TLL1: variants seen among roughly 807,000 people sequenced by gnomAD.
TLL1 encodes tolloid-like protein 1.
In TLL1, 49 loss-of-function variants were observed where a neutral mutation model predicts 128.2. The observed-to-expected ratio is 0.38, with a 90% confidence interval of 0.30 to 0.48. The LOEUF is 0.48. TLL1 is among the 20% of genes least tolerant of loss of function. TLL1 has a pLI of 0.96. For synonymous variants in TLL1, 454 were observed against 418.8 expected (o/e 1.08, Z -1.03); for missense variants, 1,123 against 1,242.0 (o/e 0.90, Z 1.44).
chr4:165,930,004 G>A (rs983723673), intron 1 of TLL1, among the ~76,000 whole-genome samples: 14 of 152,034 alleles, frequency 9.2e-5, no homozygotes, highest in Admixed American at 5.9e-4. Context: ...CTCACTGCTC[G>A]CTATGAATTT....
Position 166,074,898 on chromosome 4 carries a change from G to A in TLL1, c.2209G>A (p.Asp737Asn). ...GCTAGACAAAGATGAATGCTCTAAG[G>A]ATAATGGTGGATGTCAGCACGAATG... ...FFSDKDECSK[D>N]NGGCQHECVN... Residue 737 changes from aspartate (D) to asparagine (N), a missense_variant, in exon 17 of 21, where the codon GAT becomes AAT. Physicochemically the swap from Asp to Asn is conservative, Grantham distance 23. Around this residue, in one of 3 missense-constraint regions of TLL1, gnomAD observed 634 missense variants for 672.4 expected, o/e 0.94. Transcript: ENST00000061240. The A allele has an allele frequency of 6.2e-7, 1 of 1,613,466 alleles. No individual in the cohort carries two copies. Among genetic ancestry groups the A allele is most frequent in the Non-Finnish European group, 8.5e-7 (1 of 1,179,584 alleles).
At chr4:166,062,754 T>C (rs983797944) in intron 15 of TLL1, among the ~76,000 whole-genome samples, 1 of 152,148 alleles carries the variant, frequency 6.6e-6, no homozygotes, top group Non-Finnish European at 1.5e-5. Flanking sequence ...TCCAACACTA[T>C]GTTGAATAGG....
At chr4:166,002,785 T>G (rs749874401) in intron 5 of TLL1, among the ~76,000 whole-genome samples, 11 of 152,170 alleles carry the variant, frequency 7.2e-5, no homozygotes, top group Non-Finnish European at 1.6e-4. Context: ...TTGAAACGTT[T>G]CTTTTATTAA....
chr4:166,052,368 T>C (rs1221438761), intron 12 of TLL1, among the ~76,000 whole-genome samples: 1 of 152,232 alleles, frequency 6.6e-6, no homozygotes, highest in African/African-American at 2.4e-5. Flanking sequence ...CGATCTTGGC[T>C]CACTGCAACC....
rs1349543901 is a variant in TLL1, at chr4:165,893,994, T to C, written c.169+19921T>C. Reference sequence around the variant, plus strand: ...CCCAATTAGTATTACAGCGTTATTTTAAGAGTCAAAAAATCCTGGAAACAA... The same window carrying C: ...CCCAATTAGTATTACAGCGTTATTTCAAGAGTCAAAAAATCCTGGAAACAA... On this transcript the variant is annotated intron_variant, in intron 1 of 20. Transcript: ENST00000061240. Among the ~76,000 whole-genome samples, 5 of 152,194 alleles carry C rather than the reference T, an allele frequency of 3.3e-5. No homozygotes were observed. In the East Asian group the frequency reaches 9.6e-4, roughly 29 times the overall value.
chr4:165,954,377 G>C (rs1734676708), intron 1 of TLL1, among the ~76,000 whole-genome samples: 1 of 152,010 alleles, frequency 6.6e-6, no homozygotes. Context: ...AAATATTGAT[G>C]GGCTTATAAA....
intron 12 of TLL1, among the ~76,000 whole-genome samples, chr4:166,045,305 A>G (rs1739414555): frequency 6.6e-6 from 1 of 152,012 alleles, no homozygotes; most frequent in African/African-American, 2.4e-5. Flanking sequence ...ATTTTATTTT[A>G]CTTACTAAAC....
At chr4:166,088,324 A>G (rs1398338086) in intron 18 of TLL1, among the ~76,000 whole-genome samples, 1 of 152,150 alleles carries the variant, frequency 6.6e-6, no homozygotes, top group African/African-American at 2.4e-5. Flanking sequence ...GATAAATGGC[A>G]TATCACACCT....
chr4:165,977,387 T>C (rs2110989728), intron 1 of TLL1, among the ~76,000 whole-genome samples: 1 of 152,352 alleles, frequency 6.6e-6, no homozygotes, highest in South Asian at 2.1e-4. Context: ...ATGTGCTTGC[T>C]TTCCCTTCTA....
rs116596579 is a variant in TLL1, at chr4:166,084,059, G to A, written c.2442+6029G>A. Among the ~76,000 whole-genome samples, 335 of 152,170 alleles carry A rather than the reference G, an allele frequency of 2.2e-3. 2 individuals are homozygous for A. The highest frequency in any genetic ancestry group is 7.5e-3 in the African/African-American group (312 of 41,528). On this transcript the variant is annotated intron_variant, in intron 18 of 20. Transcript: ENST00000061240. ...TCCTCACCAACACTCGTTATCTTTTGTGTTTATGATAATAGTCATTCTAGC... is the reference window on the plus strand; with the variant it reads ...TCCTCACCAACACTCGTTATCTTTTATGTTTATGATAATAGTCATTCTAGC...
Position 166,091,167 on chromosome 4 carries a change from G to A in TLL1, c.2482G>A (p.Ala828Thr). The A allele has an allele frequency of 6.2e-7, 1 of 1,613,030 alleles. No homozygotes were observed. Among genetic ancestry groups the A allele is most frequent in the Non-Finnish European group, 8.5e-7 (1 of 1,179,436 alleles). The change falls in exon 19 of 21, where the codon GCT (alanine) becomes ACT (threonine). Residue 828 changes from alanine (A) to threonine (T), a missense_variant. Physicochemically the swap from Ala to Thr is moderately conservative, Grantham distance 58 (BLOSUM62 0). Around this residue, in one of 3 missense-constraint regions of TLL1, gnomAD observed 634 missense variants for 672.4 expected, o/e 0.94. Coordinates refer to ENST00000061240, the MANE Select transcript of TLL1 (RefSeq NM_012464.5). ...EFEIEQHQECAYDHLEVFDGE... is the reference protein window; with the variant it reads ...EFEIEQHQECTYDHLEVFDGE... The stretch of plus-strand genomic sequence containing the variant: ...TGAGATTGAGCAGCATCAAGAATGT[G>A]CTTATGACCACTTAGAAGTATTTGA...
intron 1 of TLL1, among the ~76,000 whole-genome samples, chr4:165,936,509 A>G (rs1023270872): frequency 4.0e-5 from 6 of 151,758 alleles, no homozygotes; most frequent in Non-Finnish European, 8.8e-5. Context: ...GACTATTTAT[A>G]TTTTTTAATT....
At chr4:166,008,528 T>C (rs1381560199) in intron 7 of TLL1, among the ~76,000 whole-genome samples, 1 of 151,544 alleles carries the variant, frequency 6.6e-6, no homozygotes. Context: ...AAAATTGATA[T>C]TACTAAATGA....
At chr4:165,904,461 G>A (rs1732155316) in intron 1 of TLL1, among the ~76,000 whole-genome samples, 1 of 152,148 alleles carries the variant, frequency 6.6e-6, no homozygotes, top group Non-Finnish European at 1.5e-5. Flanking sequence ...TGAAGGGCAG[G>A]ATATTTTGCC....
intron 9 of TLL1, among the ~76,000 whole-genome samples, chr4:166,035,422 G>A (rs2111084221): frequency 6.6e-6 from 1 of 152,210 alleles, no homozygotes; most frequent in South Asian, 2.1e-4. Context: ...GGGATTACCT[G>A]AGTATTTTTC....
At chr4:165,889,032 T>C (rs1206445082) in intron 1 of TLL1, among the ~76,000 whole-genome samples, 2 of 152,196 alleles carry the variant, frequency 1.3e-5, no homozygotes, top group African/African-American at 4.8e-5. Flanking sequence ...TATATTTCAC[T>C]CTTCTGTCAT....
At chr4:165,966,970 G>A (rs1579557617) in intron 1 of TLL1, among the ~76,000 whole-genome samples, 1 of 152,246 alleles carries the variant, frequency 6.6e-6, no homozygotes, top group South Asian at 2.1e-4. Context: ...CAGGCCTGGG[G>A]GCGCTACAGA....
chr4:165,898,332 C>A (rs1016184441), intron 1 of TLL1, among the ~76,000 whole-genome samples: 3 of 152,168 alleles, frequency 2.0e-5, no homozygotes, highest in Non-Finnish European at 4.4e-5. Context: ...ATGCTTCTAG[C>A]TTTTGCCCAT....
At chr4:165,952,968 G>A (rs1399117955) in intron 1 of TLL1, among the ~76,000 whole-genome samples, 1 of 152,066 alleles carries the variant, frequency 6.6e-6, no homozygotes, top group Non-Finnish European at 1.5e-5. Flanking sequence ...CGTCACTTGT[G>A]TACGTTTACT....
Sources: gnomAD v4.1 joint callset for allele counts (sites outside exome capture counted in the v4.1 genomes callset) on GRCh38, gnomAD v4.1.1 for gene constraint, gnomAD v4.1.1 regional missense constraint, MANE v1.5 for transcripts, NCBI Gene and HGNC (gene_info 2026-07-23, HGNC 2026-07-21) for gene names.